FGF13: variants seen among roughly 807,000 people sequenced by gnomAD.
FGF13 encodes the protein fibroblast growth factor 13.
FGF13 carries 2 observed loss-of-function variants against 19.5 expected under a neutral mutation model. The ratio of observed to expected loss-of-function variants is 0.10; its 90% CI spans 0.04 to 0.32. FGF13 has a LOEUF of 0.32. Ranked by LOEUF, FGF13 falls within the 10% of genes least tolerant of loss-of-function variation. The pLI is 1.00. For synonymous variants in FGF13, 72 were observed against 76.9 expected (o/e 0.94, Z 0.33); for missense variants, 113 against 192.7 (o/e 0.59, Z 2.45).
intron 1 of FGF13, among the ~76,000 whole-genome samples, chrX:139,109,942 C>G (rs1227942821): frequency 6.3e-5 from 7 of 111,194 alleles, no homozygotes; most frequent in African/African-American, 2.3e-4. Context: ...AATTAATTCA[C>G]CAAATACTTA....
intron 1 of FGF13, chrX:138,985,029 C>T (rs2091989290): frequency 2.7e-6 from 1 of 368,988 alleles, no homozygotes; most frequent in Non-Finnish European, 5.4e-6. Flanking sequence ...TAGGTAGTAG[C>T]TTCCTCCTGA....
chrX:139,179,616 T>C (rs775067803), intron 1 of FGF13, among the ~76,000 whole-genome samples: 1 of 112,449 alleles, frequency 8.9e-6, no homozygotes, highest in Admixed American at 9.4e-5. Context: ...TCACAAATTA[T>C]GTGAGATGGG....
At chrX:139,094,331 G>A (rs1312614086) in intron 1 of FGF13, among the ~76,000 whole-genome samples, 1 of 112,093 alleles carries the variant, frequency 8.9e-6, no homozygotes, top group Non-Finnish European at 1.9e-5. Flanking sequence ...TGTACACAAT[G>A]CAAAACCACT....
At chrX:139,119,341 G>A (rs986545562) in intron 1 of FGF13, among the ~76,000 whole-genome samples, 2 of 112,245 alleles carry the variant, frequency 1.8e-5, no homozygotes, top group East Asian at 5.6e-4. Context: ...GTAGTAATTC[G>A]TGAATAACAT....
chrX:138,912,485 A>G (rs993520241), intron 1 of FGF13, among the ~76,000 whole-genome samples: 20 of 111,652 alleles, frequency 1.8e-4, no homozygotes, highest in African/African-American at 5.9e-4. Context: ...AAAGGAAATA[A>G]AGAAAAATGC....
intron 3 of FGF13, among the ~76,000 whole-genome samples, chrX:138,745,621 T>G (rs2090350158): frequency 8.9e-6 from 1 of 112,453 alleles, no homozygotes; most frequent in African/African-American, 3.2e-5. Context: ...TTACAATCCT[T>G]ATTCATTTCA....
intron 3 of FGF13, among the ~76,000 whole-genome samples, chrX:138,700,749 A>G (rs887546097): frequency 1.2e-4 from 13 of 112,072 alleles, no homozygotes; most frequent in African/African-American, 4.2e-4. Context: ...TAACAAAAAC[A>G]TAGTTCCTTT....
At chrX:138,839,302 A>AT (rs1273187188) in intron 3 of FGF13, among the ~76,000 whole-genome samples, 1 of 111,263 alleles carries the variant, frequency 9.0e-6, no homozygotes, top group East Asian at 2.8e-4. Flanking sequence ...TTAAAAAAAA[A>AT]TTTTCCACTC....
chrX:138,816,786 A>ATTG (rs1264670148), intron 3 of FGF13, among the ~76,000 whole-genome samples: 1 of 111,408 alleles, frequency 9.0e-6, no homozygotes, highest in African/African-American at 3.3e-5. Flanking sequence ...CTCATCAGCT[A>ATTG]TTGTTACTGT....
At chrX:138,679,679 T>G (rs1285352216) in intron 3 of FGF13, among the ~76,000 whole-genome samples, 1 of 112,428 alleles carries the variant, frequency 8.9e-6, no homozygotes, top group East Asian at 2.8e-4. Context: ...ATTGTTAAAA[T>G]ATGCCAATGA....
chrX:138,868,718 C>T (rs893086136), intron 1 of FGF13, among the ~76,000 whole-genome samples: 1 of 110,762 alleles, frequency 9.0e-6, no homozygotes, highest in Non-Finnish European at 1.9e-5. Context: ...TCATCAACAC[C>T]ACACCTCTTC....
chrX:139,087,550 G>A (rs946845854), intron 1 of FGF13, among the ~76,000 whole-genome samples: 2 of 111,440 alleles, frequency 1.8e-5, no homozygotes, highest in African/African-American at 6.5e-5. Flanking sequence ...AAAATCTTTC[G>A]ATAAACTGTA....
At chrX:138,936,059 T>C (rs1022454395) in intron 1 of FGF13, among the ~76,000 whole-genome samples, 2 of 112,166 alleles carry the variant, frequency 1.8e-5, no homozygotes, top group East Asian at 5.6e-4. Context: ...ACAAGGCATA[T>C]TGGGTGATTC....
At chrX:138,855,994 T>TGTGTG (rs1569412173), downstream of FGF13, among the ~76,000 whole-genome samples, 72 of 100,827 alleles carry the variant, frequency 7.1e-4, 1 homozygote, top group African/African-American at 2.8e-3. Flanking sequence ...GTGTGTGTGT[T>TGTGTG]TATAATTTTT....
upstream of FGF13, among the ~76,000 whole-genome samples, chrX:138,712,991 C>G (rs909857517): frequency 8.9e-5 from 10 of 112,397 alleles, no homozygotes; most frequent in African/African-American, 3.2e-4. Flanking sequence ...GAAGCTGTTG[C>G]TACCCCTCCT....
At chrX:138,705,809 A>G (rs1401077599) in intron 2 of FGF13, among the ~76,000 whole-genome samples, 1 of 112,454 alleles carries the variant, frequency 8.9e-6, no homozygotes, top group Non-Finnish European at 1.9e-5. Context: ...TTAATATATT[A>G]TTTTGATCAG....
At chrX:138,757,219 C>T (rs2090437029) in intron 3 of FGF13, among the ~76,000 whole-genome samples, 1 of 110,547 alleles carries the variant, frequency 9.0e-6, no homozygotes, top group Non-Finnish European at 1.9e-5. Context: ...GCATTGATCA[C>T]TACTGCCTCA....
At position 139,048,563 on chromosome X, in the gene FGF13, G is replaced by GTTT. The variant is rs754951194; in HGVS notation, c.-113+154850_-113+154852dup. On this transcript the variant is annotated intron_variant, in intron 1 of 2. Transcript: ENST00000421460. The stretch of plus-strand genomic sequence containing the variant: ...ATGTCTCTCACCTTCTACAGCTCTT[G>GTTT]TTTTTTTTTTTTTTTCTATTGAATA... Among the ~76,000 whole-genome samples the GTTT allele has an allele frequency of 2.7e-3, 241 of 88,680 alleles. 4 individuals are homozygous for GTTT. Among genetic ancestry groups the GTTT allele is most frequent in the African/African-American group, 9.1e-3 (224 of 24,556 alleles). 77.0% of individuals were successfully genotyped at this position (88,680 alleles called of 115,157 possible).
intron 1 of FGF13, among the ~76,000 whole-genome samples, chrX:139,007,556 C>T (rs773513081): frequency 1.6e-4 from 18 of 112,445 alleles, no homozygotes; most frequent in African/African-American, 5.2e-4. Context: ...CATTCTTTTC[C>T]TCATCACTTA....
Sources: gnomAD v4.1 joint callset for allele counts (sites outside exome capture counted in the v4.1 genomes callset) on GRCh38, gnomAD v4.1.1 for gene constraint, MANE v1.5 for transcripts, NCBI Gene and HGNC (gene_info 2026-07-23, HGNC 2026-07-21) for gene names.